TMEM128: variants seen among roughly 807,000 people sequenced by gnomAD.
The protein encoded by TMEM128 is transmembrane protein 128.
A neutral mutation model predicts 19.7 loss-of-function variants in TMEM128; 16 were observed. That is an observed-to-expected ratio of 0.81 (90% CI 0.55 to 1.23). The LOEUF is 1.23. TMEM128 is among the 50% of genes most tolerant of loss of function. TMEM128 has a pLI of 0.00. For synonymous variants in TMEM128, 98 were observed against 75.8 expected (o/e 1.29, Z -1.52); for missense variants, 237 against 200.8 (o/e 1.18, Z -1.09).
At chr4:4,242,372 T>C (rs1252412497) in intron 2 of TMEM128, among the ~76,000 whole-genome samples, 2 of 152,004 alleles carry the variant, frequency 1.3e-5, no homozygotes, top group Admixed American at 1.3e-4. Context: ...TAGATATGCA[T>C]GCAGTATATA....
chr4:4,239,099 T>C (rs1213001091), intron 3 of TMEM128, among the ~76,000 whole-genome samples: 3 of 152,184 alleles, frequency 2.0e-5, no homozygotes, highest in South Asian at 4.1e-4. Context: ...GCACACAACA[T>C]AGGAAAAGTA....
rs550373374 is a variant in TMEM128 at position 4,247,571 on chromosome 4, A to C, written c.97+535T>G. 3.1e-6 allele frequency: 5 copies of C among 1,614,172 alleles called. No homozygotes were observed. In the South Asian group the frequency reaches 5.5e-5, roughly 18 times the overall value. On this transcript the variant is annotated intron_variant, in intron 1 of 4. Transcript: ENST00000382753. ...TACTGAATTCTTCCATATTCTATGC[A>C]TTCACAGGTGAACATACATCACAAG...
intron 3 of TMEM128, among the ~76,000 whole-genome samples, chr4:4,239,529 G>A (rs554130614): frequency 6.6e-6 from 1 of 152,082 alleles, no homozygotes; most frequent in Admixed American, 6.6e-5. Flanking sequence ...TACCCCTTGG[G>A]GTACATATAT....
At position 4,240,423 on chromosome 4, in the gene TMEM128, C is replaced by A; in HGVS notation, c.296G>T (p.Cys99Phe). 6.2e-7 allele frequency: 1 copy of A among 1,613,822 alleles called. No individual in the cohort carries two copies. The highest frequency in any genetic ancestry group is 8.5e-7 in the Non-Finnish European group (1 of 1,179,850). Residue 99 changes from cysteine to phenylalanine, a missense_variant, in exon 3 of 5, where the codon TGC becomes TTC. Transcript: ENST00000382753. ...LLVSLSIAFYCIVYLEWYCGI... is the reference protein window; with the variant it reads ...LLVSLSIAFYFIVYLEWYCGI... The stretch of plus-strand genomic sequence containing the variant: ...ACAATACCATTCCAGGTAGACTATG[C>A]AGTAAAATGCAATTGATAAACTGAC...
chr4:4,246,612 C>G (rs917861667), intron 1 of TMEM128, among the ~76,000 whole-genome samples: 1 of 152,134 alleles, frequency 6.6e-6, no homozygotes, highest in African/African-American at 2.4e-5. Flanking sequence ...ACAATGTCAC[C>G]TGGAAATGTA....
intron 2 of TMEM128, among the ~76,000 whole-genome samples, chr4:4,242,718 C>T (rs1718013944): frequency 1.3e-5 from 2 of 152,054 alleles, no homozygotes; most frequent in Admixed American, 1.3e-4. Context: ...GGGGTCTCAC[C>T]ATGTTGGCCA....
intron 1 of TMEM128, 91 bp downstream of exon 1, chr4:4,248,015 T>A (rs1718266854): frequency 4.7e-6 from 7 of 1,491,590 alleles, no homozygotes; most frequent in Non-Finnish European, 6.2e-6. Flanking sequence ...CGAAACTCAG[T>A]CCTTCCAGAC....
At chr4:4,237,558 C>G (rs147524065) in intron 4 of TMEM128, among the ~76,000 whole-genome samples, 86 of 152,296 alleles carry the variant, frequency 5.6e-4, no homozygotes, top group East Asian at 4.8e-3. Context: ...GGGAGGATTG[C>G]TTGAGCCCCC....
At chr4:4,241,717 G>C (rs753749587) in intron 2 of TMEM128, among the ~76,000 whole-genome samples, 16 of 152,180 alleles carry the variant, frequency 1.1e-4, no homozygotes, top group Non-Finnish European at 2.1e-4. Context: ...GTATGGGTTT[G>C]AATCTTAACT....
At chr4:4,240,647 T>TG (rs1262555157) in intron 2 of TMEM128, among the ~76,000 whole-genome samples, 168 bp from the exon 3 acceptor site, 1 of 152,098 alleles carries the variant, frequency 6.6e-6, no homozygotes, top group African/African-American at 2.4e-5. Flanking sequence ...CTATGGGAGA[T>TG]GGGGGTGAGA....
In TMEM128 at chr4:4,235,896, A is replaced by C. The variant is rs1437456853; in HGVS notation, c.*370T>G. 1.3e-5 allele frequency: 2 copies of C among 152,578 alleles called. No homozygotes were observed. Among genetic ancestry groups the C allele is most frequent in the African/African-American group, 2.4e-5 (1 of 41,458 alleles). 9.5% of individuals were successfully genotyped at this position (152,578 alleles called of 1,614,324 possible). A position where few individuals can be genotyped will look rare whatever the true frequency, so the allele number is the denominator to read the frequency against. On this transcript the variant is annotated 3_prime_UTR_variant, in exon 5 of 5. Coordinates refer to ENST00000382753, the MANE Select transcript of TMEM128 (RefSeq NM_001297551.2). The stretch of plus-strand genomic sequence containing the variant: ...TACAATGAAACCACTTTCTCCAAAG[A>C]CTCAAACAGATTAACATTGCAAAAT...
chr4:4,242,293 A>G (rs891612786), intron 2 of TMEM128, among the ~76,000 whole-genome samples: 1 of 135,976 alleles, frequency 7.4e-6, no homozygotes, highest in Non-Finnish European at 1.7e-5. Context: ...AGAGCATGCA[A>G]TCTCACTGGG....
At chr4:4,247,459 G>A (rs1346673852) in intron 1 of TMEM128, 9 of 1,126,352 alleles carry the variant, frequency 8.0e-6, no homozygotes, top group Non-Finnish European at 1.1e-5. Context: ...TAAAACATAT[G>A]AGATAAAAAA....
In TMEM128 at chr4:4,248,148, C is replaced by A. The variant is rs754744917; in HGVS notation, c.55G>T (p.Asp19Tyr). The A allele has an allele frequency of 2.6e-6, 4 of 1,534,500 alleles. No homozygotes were observed. The highest frequency in any genetic ancestry group is 3.5e-6 in the Non-Finnish European group (4 of 1,142,254). Residue 19 changes from aspartate to tyrosine, a missense_variant, in exon 1 of 5, where the codon GAC becomes TAC. Transcript: ENST00000382753. ...QLRRRFLLLP[D>Y]AEAQLDREGD... ...TCGCGGTCCAGCTGGGCCTCGGCGT[C>A]CGGCAGGAGGAGGAATCGCCGCCGG...
Position 4,240,178 on chromosome 4 carries a change from G to C in TMEM128, c.398+143C>G, listed in dbSNP as rs540534623. ...AAGGAGAAAGAGATACTAATCAAAA[G>C]GGAACCAGAGAGCATGAATGACCAG... On this transcript the variant is annotated intron_variant, in intron 3 of 4. Transcript: ENST00000382753. 43 of 735,404 alleles carry C rather than the reference G, an allele frequency of 5.8e-5. No individual in the cohort carries two copies. The Admixed American group carries it at 8.9e-4, about 15-fold the overall frequency. The allele number at this position is 735,404 out of a possible 1,614,324, so 45.6% of individuals were successfully genotyped here.
chr4:4,240,280 T>A (rs756631858), intron 3 of TMEM128, 41 bp downstream of exon 3: 9 of 1,589,664 alleles, frequency 5.7e-6, no homozygotes, highest in Middle Eastern at 1.7e-4. Flanking sequence ...AAAAAAAAAA[T>A]TTGTTGTTCA....
intron 2 of TMEM128, among the ~76,000 whole-genome samples, chr4:4,243,583 T>C (rs1427680705): frequency 1.3e-5 from 2 of 152,214 alleles, no homozygotes; most frequent in Admixed American, 1.3e-4. Flanking sequence ...TTCATGGCTG[T>C]TCAATACCCC....
intron 2 of TMEM128, 30 bp from the exon 3 acceptor site, chr4:4,240,509 A>G (rs1332753340): frequency 1.3e-6 from 2 of 1,599,790 alleles, no homozygotes; most frequent in Non-Finnish European, 1.7e-6. Context: ...AAGAGGTCTG[A>G]CAGCACTTAA....
rs1233878338 is a variant in TMEM128 at position 4,246,314 on chromosome 4, T to G, written c.127A>C (p.Lys43Gln). The change falls in exon 2 of 5, where the codon AAA becomes CAA. Residue 43 changes from lysine to glutamine, a missense_variant. Lys to Gln is a moderately conservative substitution (Grantham distance 53). Transcript: ENST00000382753. ...ETSTAVEKKE[K>Q]PLPRLNIHSG... ...TGGATATTAAGTCTTGGAAGAGGTT[T>G]CTCCTTTTTCTCAACAGCTGTGGAG... 3.1e-6 allele frequency: 5 copies of G among 1,610,952 alleles called. No homozygotes were observed. The highest frequency in any genetic ancestry group is 2.2e-5 in the South Asian group (2 of 89,898).
Sources: gnomAD v4.1 joint callset for allele counts (sites outside exome capture counted in the v4.1 genomes callset) on GRCh38, gnomAD v4.1.1 for gene constraint, MANE v1.5 for transcripts, NCBI Gene and HGNC (gene_info 2026-07-23, HGNC 2026-07-21) for gene names.